UBE2E2: variants seen among roughly 807,000 people sequenced by gnomAD.
UBE2E2 encodes the protein ubiquitin conjugating enzyme E2 E2.
A neutral mutation model predicts 24.7 loss-of-function variants in UBE2E2; 6 were observed. The observed-to-expected ratio is 0.24, with a 90% CI of 0.13 to 0.48. The LOEUF (loss-of-function observed/expected upper bound fraction) is 0.48. Ranked by LOEUF, UBE2E2 falls within the 20% of genes least tolerant of loss-of-function variation. The probability of loss-of-function intolerance (pLI) is 0.99; values close to 1 mark genes in which losing one functional copy is unlikely to be tolerated. For missense variants in UBE2E2, 169 were observed against 245.0 expected (o/e 0.69, Z 2.07); for synonymous variants, 104 against 83.6 (o/e 1.24, Z -1.33).
At chr3:23,483,198 A>G (rs1207939855) in intron 3 of UBE2E2, among the ~76,000 whole-genome samples, 1 of 152,230 alleles carries the variant, frequency 6.6e-6, no homozygotes, top group Non-Finnish European at 1.5e-5. Flanking sequence ...TGAGCTTTTC[A>G]GTGCTCGTCT....
At chr3:23,291,585 A>G (rs531716664) in intron 3 of UBE2E2, among the ~76,000 whole-genome samples, 3 of 152,068 alleles carry the variant, frequency 2.0e-5, no homozygotes, top group Non-Finnish European at 4.4e-5. Context: ...TTAGCAGTCT[A>G]GGGCAGTGGT....
At chr3:23,541,386 A>G (rs1399310137) in intron 5 of UBE2E2, among the ~76,000 whole-genome samples, 1 of 152,228 alleles carries the variant, frequency 6.6e-6, no homozygotes, top group Non-Finnish European at 1.5e-5. Flanking sequence ...ATACAACTGT[A>G]ATAACTACTT....
chr3:23,486,851 G>A (rs770986545), intron 3 of UBE2E2, among the ~76,000 whole-genome samples: 2 of 152,182 alleles, frequency 1.3e-5, no homozygotes, highest in African/African-American at 2.4e-5. Context: ...GCTAAAAGGC[G>A]TCAATGAAGT....
intron 3 of UBE2E2, among the ~76,000 whole-genome samples, chr3:23,300,352 A>G (rs1372395456): frequency 6.6e-6 from 1 of 151,972 alleles, no homozygotes; most frequent in Non-Finnish European, 1.5e-5. Flanking sequence ...ATTTTGCTCG[A>G]TAGTTGATGC....
chr3:23,413,208 TAA>T lies in UBE2E2; in HGVS notation c.228-86392_228-86391del, dbSNP rs5847232. On this transcript the variant is annotated intron_variant, in intron 3 of 5. Coordinates refer to ENST00000396703, the MANE Select transcript of UBE2E2 (RefSeq NM_152653.4). Reference sequence around the variant, plus strand: ...ACTTAAAGTATAATAATAATAAAATTAAAAAAAAATCTGAGAAAAAAAAGTTA... The same window carrying T: ...ACTTAAAGTATAATAATAATAAAATTAAAAAAATCTGAGAAAAAAAAGTTA... Among the ~76,000 whole-genome samples the T allele has an allele frequency of 4.9e-3, 745 of 151,146 alleles. 7 individuals are homozygous for T. Among genetic ancestry groups the T allele is most frequent in the African/African-American group, 0.017 (694 of 41,242 alleles).
At chr3:23,239,900 C>G (rs1193891972) in intron 3 of UBE2E2, among the ~76,000 whole-genome samples, 1 of 152,138 alleles carries the variant, frequency 6.6e-6, no homozygotes, top group Non-Finnish European at 1.5e-5. Context: ...GCAGATCAGT[C>G]AGCTTTTGCT....
intron 5 of UBE2E2, among the ~76,000 whole-genome samples, chr3:23,567,071 G>A (rs1049482005): frequency 6.6e-6 from 1 of 152,174 alleles, no homozygotes; most frequent in Admixed American, 6.5e-5. Context: ...TCTAGGATCA[G>A]TGAATATTAT....
intron 5 of UBE2E2, among the ~76,000 whole-genome samples, chr3:23,535,897 A>C (rs1157330630): frequency 6.6e-6 from 1 of 152,194 alleles, no homozygotes; most frequent in Admixed American, 6.5e-5. Context: ...CTGGGATGAC[A>C]GGCGTGAGCC....
At chr3:23,437,925 G>A (rs1443781559) in intron 3 of UBE2E2, among the ~76,000 whole-genome samples, 1 of 152,176 alleles carries the variant, frequency 6.6e-6, no homozygotes, top group African/African-American at 2.4e-5. Context: ...AACACCCTCA[G>A]TGTGGGCAGT....
chr3:23,523,247 G>C (rs890098202), intron 4 of UBE2E2, among the ~76,000 whole-genome samples: 1 of 152,194 alleles, frequency 6.6e-6, no homozygotes, highest in African/African-American at 2.4e-5. Flanking sequence ...GGAGTTGAGA[G>C]TAATTTGCTG....
At chr3:23,386,789 G>A (rs1696814010) in intron 3 of UBE2E2, among the ~76,000 whole-genome samples, 1 of 152,166 alleles carries the variant, frequency 6.6e-6, no homozygotes, top group Non-Finnish European at 1.5e-5. Flanking sequence ...TGAATTTGAA[G>A]TAGAATGACT....
intron 5 of UBE2E2, among the ~76,000 whole-genome samples, chr3:23,535,686 C>G (rs1005023696): frequency 7.1e-6 from 1 of 141,124 alleles, no homozygotes; most frequent in Non-Finnish European, 1.5e-5. Context: ...TGCAATGGCA[C>G]GATCTCAGCT....
chr3:23,466,271 G>A (rs75596090), intron 3 of UBE2E2, among the ~76,000 whole-genome samples: 2,160 of 152,260 alleles, frequency 0.014, 53 homozygotes, highest in African/African-American at 0.05. Flanking sequence ...GAACCCTTCA[G>A]TTAGTACCTG....
At chr3:23,335,541 T>A (rs1234049807) in intron 3 of UBE2E2, among the ~76,000 whole-genome samples, 2 of 151,988 alleles carry the variant, frequency 1.3e-5, no homozygotes, top group African/African-American at 2.4e-5. Flanking sequence ...TTAAAAAAGG[T>A]TTTTTAAGAG....
chr3:23,287,774 T>TC (rs1553598497), intron 3 of UBE2E2, among the ~76,000 whole-genome samples: 11 of 77,996 alleles, frequency 1.4e-4, no homozygotes, highest in East Asian at 4.3e-4. Context: ...TGTCTCTCTC[T>TC]TTTTTTTTTT....
intron 3 of UBE2E2, among the ~76,000 whole-genome samples, chr3:23,446,547 C>G (rs1328104724): frequency 1.3e-5 from 2 of 152,042 alleles, no homozygotes; most frequent in African/African-American, 4.8e-5. Context: ...TGAAAGTTAC[C>G]TGCCTTTCAT....
intron 4 of UBE2E2, among the ~76,000 whole-genome samples, chr3:23,513,928 A>G (rs1333737439): frequency 6.6e-6 from 1 of 152,194 alleles, no homozygotes; most frequent in Non-Finnish European, 1.5e-5. Flanking sequence ...ATCTGTAGAA[A>G]GAGGCTTAAC....
intron 3 of UBE2E2, among the ~76,000 whole-genome samples, chr3:23,369,494 T>G (rs1200995058): frequency 1.3e-5 from 2 of 152,204 alleles, no homozygotes; most frequent in Non-Finnish European, 2.9e-5. Context: ...GGTTATTATT[T>G]GACATGCATA....
intron 5 of UBE2E2, among the ~76,000 whole-genome samples, chr3:23,543,984 T>G (rs1695456137): frequency 6.6e-6 from 1 of 152,234 alleles, no homozygotes; most frequent in Non-Finnish European, 1.5e-5. Context: ...ATTCAACAAA[T>G]GGTGCTGGGA....
Sources: gnomAD v4.1 joint callset for allele counts (sites outside exome capture counted in the v4.1 genomes callset) on GRCh38, gnomAD v4.1.1 for gene constraint, MANE v1.5 for transcripts, NCBI Gene and HGNC (gene_info 2026-07-23, HGNC 2026-07-21) for gene names.